The following PNPT1 variants were observed in gnomAD, a reference collection of about 807,000 sequenced individuals.
The protein encoded by PNPT1 is polyribonucleotide nucleotidyltransferase 1.
In PNPT1, 53 loss-of-function variants were observed where a neutral mutation model predicts 119.5. The ratio of observed to expected loss-of-function variants is 0.44; its 90% CI spans 0.36 to 0.56. PNPT1 has a LOEUF of 0.56. Among genes scored for constraint, PNPT1 ranks in the 20% least tolerant of loss-of-function variants. The pLI is 0.00. For missense variants in PNPT1, 948 were observed against 938.5 expected (o/e 1.01, Z -0.13); for synonymous variants, 357 against 322.1 (o/e 1.11, Z -1.16).
chr2:55,641,276 C>CA (rs1695826663), intron 25 of PNPT1, among the ~76,000 whole-genome samples: 1 of 140,220 alleles, frequency 7.1e-6, no homozygotes, highest in Admixed American at 8.2e-5. Flanking sequence ...TAACAATTTC[C>CA]AAAAACATTT....
intron 1 of PNPT1, among the ~76,000 whole-genome samples, chr2:55,691,873 TATA>T (rs1257215125): frequency 0.037 from 562 of 15,016 alleles, 6 homozygotes; most frequent in Non-Finnish European, 0.068. Flanking sequence ...TATATATATA[TATA>T]TATTTTTTTT....
At chr2:55,692,822 G>C (rs1235810038) in intron 1 of PNPT1, among the ~76,000 whole-genome samples, 1 of 152,100 alleles carries the variant, frequency 6.6e-6, no homozygotes, top group East Asian at 1.9e-4. Context: ...ATGATATCTT[G>C]TACTCCTAAC....
rs1247484748 is a variant in PNPT1, at chr2:55,635,350, T to C, written c.*887A>G. The C allele has an allele frequency of 3.3e-5, 5 of 151,716 alleles. No individual in the cohort carries two copies. Among genetic ancestry groups the C allele is most frequent in the African/African-American group, 4.9e-5 (2 of 41,190 alleles). The allele number at this position is 151,716 out of a possible 1,614,324, so 9.4% of individuals were successfully genotyped here. A position where few individuals can be genotyped will look rare whatever the true frequency, so the allele number is the denominator to read the frequency against. On this transcript the variant is annotated 3_prime_UTR_variant, in exon 28 of 28. Transcript: ENST00000447944. ...TTTTTTTGAGACGGAGTTTTGCTCTTGTTGCCTGAGCTGGAGTGCAATGGC... is the reference window on the plus strand; with the variant it reads ...TTTTTTTGAGACGGAGTTTTGCTCTCGTTGCCTGAGCTGGAGTGCAATGGC...
At chr2:55,644,343 T>G (rs953624896) in intron 23 of PNPT1, among the ~76,000 whole-genome samples, 1 of 152,096 alleles carries the variant, frequency 6.6e-6, no homozygotes, top group African/African-American at 2.4e-5. Flanking sequence ...AAGTAATAAT[T>G]CCTCTAAAGT....
chr2:55,671,027 G>C (rs550297647), intron 11 of PNPT1, among the ~76,000 whole-genome samples: 1 of 151,924 alleles, frequency 6.6e-6, no homozygotes, highest in Admixed American at 6.6e-5. Flanking sequence ...AAAATACATA[G>C]TAATAGCGGT....
rs79312811 is a variant in PNPT1 at position 55,660,825 on chromosome 2, T to C, written c.1248-632A>G. ...AAGACTAGAATATATGGAGGTACCC[T>C]GACCAAGCCCAGTGTTCTGCATTCC... is the stretch of plus-strand genomic sequence containing the variant. On this transcript the variant is annotated intron_variant, in intron 14 of 27. Transcript: ENST00000447944. Among the ~76,000 whole-genome samples the C allele has an allele frequency of 6.3e-3, 962 of 152,318 alleles. 5 individuals carry two copies. The highest frequency in any genetic ancestry group is 9.7e-3 in the Non-Finnish European group (659 of 68,032).
intron 2 of PNPT1, 83 bp downstream of exon 2, chr2:55,687,562 G>T: frequency 1.0e-6 from 1 of 971,672 alleles, no homozygotes; most frequent in Non-Finnish European, 1.5e-6. Context: ...ATTCTAAGTA[G>T]TTACACGATG....
chr2:55,650,342 G>C (rs570571109), intron 18 of PNPT1, among the ~76,000 whole-genome samples: 29 of 152,330 alleles, frequency 1.9e-4, no homozygotes, highest in African/African-American at 4.6e-4. Context: ...ACGGGGTTTC[G>C]CTGTGTTGGC....
chr2:55,645,764 C>A (rs937014436), intron 21 of PNPT1, among the ~76,000 whole-genome samples: 1 of 151,746 alleles, frequency 6.6e-6, no homozygotes, highest in Non-Finnish European at 1.5e-5. Flanking sequence ...TCCTGGGGCT[C>A]AAGCAATCTT....
At chr2:55,691,874 ATATATTTTT>A (rs1233803224) in intron 1 of PNPT1, among the ~76,000 whole-genome samples, 3 of 12,370 alleles carry the variant, frequency 2.4e-4, no homozygotes, top group African/African-American at 5.7e-4. Flanking sequence ...ATATATATAT[ATATATTTTT>A]TTTTTTTTTT....
chr2:55,637,704 A>C (rs765894902), intron 26 of PNPT1, 105 bp from the exon 27 acceptor site: 30 of 1,036,856 alleles, frequency 2.9e-5, no homozygotes, highest in Non-Finnish European at 4.4e-5. Flanking sequence ...TGATTAAAAA[A>C]ATCAGTTAGC....
intron 1 of PNPT1, 87 bp downstream of exon 1, chr2:55,693,576 C>G: frequency 6.5e-7 from 1 of 1,544,664 alleles, no homozygotes; most frequent in Non-Finnish European, 8.8e-7. Flanking sequence ...GCTGGGATAC[C>G]GGGTTTCTAC....
At position 55,661,171 on chromosome 2, in the gene PNPT1, C is replaced by T. The variant is rs192574824; in HGVS notation, c.1247+785G>A. Among the ~76,000 whole-genome samples the T allele has an allele frequency of 1.8e-3, 264 of 143,222 alleles. 1 individual carries two copies. Among genetic ancestry groups the T allele is most frequent in the African/African-American group, 6.2e-3 (236 of 38,160 alleles). The allele number at this position is 143,222 out of a possible 152,430, so 94.0% of individuals were successfully genotyped here. ...GGAGCGCAGTGGTGTGATCTCACTG[C>T]AACCTCCACCTCCTGGGTTCACGCC... On this transcript the variant is annotated intron_variant, in intron 14 of 27. Transcript: ENST00000447944.
At chr2:55,668,841 C>G (rs777711293) in intron 11 of PNPT1, among the ~76,000 whole-genome samples, 54 of 152,266 alleles carry the variant, frequency 3.5e-4, no homozygotes, top group Admixed American at 1.2e-3. Flanking sequence ...CTCAGGTGAT[C>G]CGCCTGCCTT....
chr2:55,646,121 C>G (rs1382224606), intron 21 of PNPT1, 138 bp downstream of exon 21: 32 of 841,146 alleles, frequency 3.8e-5, no homozygotes, highest in Non-Finnish European at 5.7e-5. Flanking sequence ...AGCCACCACA[C>G]CTGGCCAGTA....
chr2:55,688,766 C>CAAAAAA (rs200865090), intron 1 of PNPT1, among the ~76,000 whole-genome samples: 2 of 151,170 alleles, frequency 1.3e-5, no homozygotes, highest in African/African-American at 2.4e-5. Flanking sequence ...ACAACAACAA[C>CAAAAAA]AAAAAACTTT....
At chr2:55,648,680 T>A (rs1383420850) in intron 18 of PNPT1, among the ~76,000 whole-genome samples, 1 of 152,202 alleles carries the variant, frequency 6.6e-6, no homozygotes. Context: ...GTCTTTTTAT[T>A]ACTGATTTTC....
rs766817661 is a variant in PNPT1, at chr2:55,647,367, G to A, written c.1582C>T (p.Arg528Cys). Residue 528 changes from arginine to cysteine, a missense_variant, in exon 19 of 28, where the codon CGT becomes TGT. Physicochemically the swap from Arg to Cys is radical, Grantham distance 180. Coordinates refer to ENST00000447944, the MANE Select transcript of PNPT1 (RefSeq NM_033109.5). ...CTTGCCAAAATATCTGTCAGCAAAC[G>A]ATAATCTTCTATTTCACCCTTCTCA... ...DPEKGEIEDY[R>C]LLTDILGIED... is the part of the protein sequence containing the mutation. 6 of 1,607,350 alleles carry A rather than the reference G, an allele frequency of 3.7e-6. No individual in the cohort carries two copies. The South Asian group carries it at 5.6e-5, about 15-fold the overall frequency.
At chr2:55,641,380 T>C (rs1695830320) in intron 25 of PNPT1, among the ~76,000 whole-genome samples, 1 of 150,616 alleles carries the variant, frequency 6.6e-6, no homozygotes, top group Non-Finnish European at 1.5e-5. Context: ...GTCATTCTCA[T>C]GCCTCAGTCT....
Sources: allele counts gnomAD v4.1 joint callset (sites outside exome capture counted in the v4.1 genomes callset), GRCh38; gene constraint gnomAD v4.1.1; transcripts MANE v1.5; gene names NCBI Gene and HGNC (gene_info 2026-07-23, HGNC 2026-07-21).